The following ZNF638 variants were observed in gnomAD, a reference collection of about 807,000 sequenced individuals.
ZNF638 encodes the protein zinc finger protein 638.
ZNF638 carries 46 observed loss-of-function variants against 195.6 expected under a neutral mutation model. The observed-to-expected ratio is 0.24, with a 90% CI of 0.19 to 0.30. The LOEUF (loss-of-function observed/expected upper bound fraction) is 0.30. Among genes scored for constraint, ZNF638 ranks in the 10% least tolerant of loss-of-function variants. ZNF638 has a pLI of 1.00. For missense variants in ZNF638, 2,440 were observed against 2,325.3 expected, an observed-to-expected ratio of 1.05 and a Z score of -1.01; for synonymous variants, 845 against 772.0, an observed-to-expected ratio of 1.09 and a Z score of -1.57.
At position 71,349,083 on chromosome 2, in the gene ZNF638, C is replaced by G; in HGVS notation, c.129C>G (p.Tyr43Ter). The G allele has an allele frequency of 6.2e-7, 1 of 1,614,154 alleles. No homozygotes were observed. Residue 43 changes from tyrosine (Y) to a stop codon, truncating the protein, a stop_gained, in exon 2 of 28, where the codon TAC becomes TAG. Transcript: ENST00000264447. LOFTEE classifies it high-confidence loss of function. ...GATCTATGGGTCTCCCAAGATTTTA[C>G]CCAGCAGGGAGAGCACGTGGAATTC... ...RPGSMGLPRF[Y>*]PAGRARGIPH...
In ZNF638 at chr2:71,380,231, G is replaced by A; in HGVS notation, c.2275G>A (p.Val759Met). ...PGKKKAQNKE[V>M]KKKTLESKKV... The stretch of plus-strand genomic sequence containing the variant: ...TATTTTTCCTACGTAGAACAAAGAG[G>A]TGAAGAAAAAGACTTTAGAGTCAAA... The change falls in exon 9 of 28, where the codon GTG (valine) becomes ATG (methionine). Residue 759 changes from valine to methionine, a missense_variant. This residue lies in a region of ZNF638 where 1,883 missense variants were observed against 1,739.1 expected (regional missense o/e 1.08). Transcript: ENST00000264447. 2 of 1,550,598 alleles carry A rather than the reference G, an allele frequency of 1.3e-6. No individual in the cohort carries two copies. Among genetic ancestry groups the A allele is most frequent in the South Asian group, 1.3e-5 (1 of 79,778 alleles).
At chr2:71,365,911 G>A (rs2104280983) in intron 6 of ZNF638, among the ~76,000 whole-genome samples, 1 of 152,240 alleles carries the variant, frequency 6.6e-6, no homozygotes, top group African/African-American at 2.4e-5. Flanking sequence ...TAGAGATGGG[G>A]TCTTGCCATG....
At chr2:71,358,023 C>G (rs1440371962) in intron 3 of ZNF638, among the ~76,000 whole-genome samples, 1 of 152,172 alleles carries the variant, frequency 6.6e-6, no homozygotes, top group African/African-American at 2.4e-5. Context: ...CCACCATTCC[C>G]TTCCGAGGCT....
intron 26 of ZNF638, 67 bp downstream of exon 26, chr2:71,431,495 C>G: frequency 1.4e-6 from 2 of 1,417,310 alleles, no homozygotes; most frequent in African/African-American, 1.4e-5. Flanking sequence ...CGCGGTGGCT[C>G]AAGCCTGTAA....
chr2:71,365,982 G>A (rs2079192144), intron 6 of ZNF638, among the ~76,000 whole-genome samples: 1 of 152,174 alleles, frequency 6.6e-6, no homozygotes, highest in African/African-American at 2.4e-5. Context: ...GCTTCCCTAA[G>A]TGCATGAGCC....
chr2:71,365,779 C>T (rs1209608215), intron 6 of ZNF638, 73 bp downstream of exon 6: 1 of 1,384,470 alleles, frequency 7.2e-7, no homozygotes, highest in Non-Finnish European at 9.7e-7. Context: ...TGCAGTGGTG[C>T]AACAAGCATG....
chr2:71,356,201 A>T (rs574663915), intron 3 of ZNF638, among the ~76,000 whole-genome samples: 1 of 152,214 alleles, frequency 6.6e-6, no homozygotes, highest in Non-Finnish European at 1.5e-5. Flanking sequence ...CAGTTTTCAG[A>T]ATATACCTTA....
chr2:71,378,403 A>T (rs1012560098), intron 8 of ZNF638, among the ~76,000 whole-genome samples: 1 of 152,218 alleles, frequency 6.6e-6, no homozygotes, highest in Admixed American at 6.5e-5. Context: ...ATATAGTGCA[A>T]AAGGAAATGA....
chr2:71,380,492 A>T (rs1209777151), intron 9 of ZNF638, 21 bp from the exon 10 acceptor site: 7 of 1,577,022 alleles, frequency 4.4e-6, no homozygotes, highest in African/African-American at 1.4e-5. Flanking sequence ...TTGCTGCTAA[A>T]TTTTTTCTCC....
intron 1 of ZNF638, among the ~76,000 whole-genome samples, chr2:71,333,863 A>G (rs1220077556): frequency 6.6e-6 from 1 of 152,216 alleles, no homozygotes; most frequent in Non-Finnish European, 1.5e-5. Flanking sequence ...CTTGGCACAT[A>G]CTAGGTGCTT....
At chr2:71,390,201 A>G (rs1380261780) in intron 10 of ZNF638, among the ~76,000 whole-genome samples, 1 of 152,216 alleles carries the variant, frequency 6.6e-6, no homozygotes, top group African/African-American at 2.4e-5. Flanking sequence ...GGGAAACTTC[A>G]TGAGGGGCCA....
At chr2:71,431,175 G>T (rs2080649911) in intron 25 of ZNF638, 152 bp from the exon 26 acceptor site, 1 of 599,432 alleles carries the variant, frequency 1.7e-6, no homozygotes, top group African/African-American at 1.9e-5. Flanking sequence ...TTACATTAAA[G>T]AATCTTGGAG....
At chr2:71,401,890 G>A in intron 15 of ZNF638, 66 bp from the exon 16 acceptor site, 2 of 1,394,870 alleles carry the variant, frequency 1.4e-6, no homozygotes, top group East Asian at 2.4e-5. Flanking sequence ...ATGATACACA[G>A]TATAAACTTA....
rs143715243 is a variant in ZNF638, at chr2:71,381,877, G to C, written c.2377+1312G>C. Among the ~76,000 whole-genome samples, 1,024 of 152,202 alleles carry C rather than the reference G, an allele frequency of 6.7e-3. 6 individuals carry two copies. The highest frequency in any genetic ancestry group is 0.011 in the Non-Finnish European group (758 of 67,970). On this transcript the variant is annotated intron_variant, in intron 10 of 27. Coordinates refer to ENST00000264447, the MANE Select transcript of ZNF638 (RefSeq NM_014497.5). ...GTACAGACTCTGGGAAATTGCAGTA[G>C]AGAATATGGAGCCACTCACTAATTG...
At chr2:71,394,157 A>C (rs548345187) in intron 10 of ZNF638, among the ~76,000 whole-genome samples, 3 of 152,086 alleles carry the variant, frequency 2.0e-5, no homozygotes, top group Non-Finnish European at 4.4e-5. Context: ...TGGAGCCCCC[A>C]CGGTCATTTA....
intron 10 of ZNF638, chr2:71,388,633 T>C (rs766568841): frequency 2.4e-6 from 2 of 833,988 alleles, no homozygotes; most frequent in Non-Finnish European, 4.3e-6. Flanking sequence ...AGTCGGTGGA[T>C]CAGACTCAGC....
At chr2:71,403,745 T>G in intron 16 of ZNF638, 125 bp from the exon 17 acceptor site, 1 of 610,924 alleles carries the variant, frequency 1.6e-6, no homozygotes, top group Non-Finnish European at 2.6e-6. Context: ...TTTTTTATCT[T>G]TAAAATATTT....
At chr2:71,426,093 A>G (rs2080534165) in intron 23 of ZNF638, among the ~76,000 whole-genome samples, 1 of 152,250 alleles carries the variant, frequency 6.6e-6, no homozygotes, top group Admixed American at 6.5e-5. Flanking sequence ...AGTCTTCTAG[A>G]GCACTTATTA....
Position 71,406,103 on chromosome 2 carries a change from T to C in ZNF638, c.3001-25T>C, listed in dbSNP as rs762696095. ...TTGTTGCTTCAGCTGTGGTTTTTTCTGTGCTGTCTCTTAAAAAACTACAGG... is the reference window on the plus strand; with the variant it reads ...TTGTTGCTTCAGCTGTGGTTTTTTCCGTGCTGTCTCTTAAAAAACTACAGG... On this transcript the variant is annotated intron_variant, in intron 18 of 27. Coordinates refer to ENST00000264447, the MANE Select transcript of ZNF638 (RefSeq NM_014497.5). 4.3e-6 allele frequency: 7 copies of C among 1,611,292 alleles called. No homozygotes were observed. The Admixed American group carries it at 1.0e-4, about 23-fold the overall frequency.
Sources: gnomAD v4.1 joint callset for allele counts (sites outside exome capture counted in the v4.1 genomes callset) on GRCh38, gnomAD v4.1.1 for gene constraint, gnomAD v4.1.1 regional missense constraint, MANE v1.5 for transcripts, NCBI Gene and HGNC (gene_info 2026-07-23, HGNC 2026-07-21) for gene names.